The following LRRN3 variants were observed in gnomAD, a reference collection of about 807,000 sequenced individuals.
LRRN3 encodes leucine-rich repeat neuronal protein 3.
Under a neutral mutation model 40.1 loss-of-function variants are expected in LRRN3, and 15 were observed. The ratio of observed to expected loss-of-function variants is 0.37; its 90% CI spans 0.25 to 0.58. LRRN3 has a LOEUF of 0.58. LRRN3 is among the 20% of genes least tolerant of loss of function. The probability of loss-of-function intolerance (pLI) is 0.72; values close to 1 mark genes in which losing one functional copy is unlikely to be tolerated. For missense variants in LRRN3, 746 were observed against 837.7 expected (o/e 0.89, Z 1.35); for synonymous variants, 308 against 297.2 (o/e 1.04, Z -0.37).
intron 2 of LRRN3, among the ~76,000 whole-genome samples, chr7:111,103,726 G>A (rs559997675): frequency 1.3e-5 from 2 of 151,658 alleles, no homozygotes; most frequent in South Asian, 2.1e-4. Flanking sequence ...TGTATGTGTC[G>A]GGTGCAGAAG....
At chr7:111,117,965 C>T (rs969133926) in intron 2 of LRRN3, among the ~76,000 whole-genome samples, 2 of 152,070 alleles carry the variant, frequency 1.3e-5, no homozygotes, top group South Asian at 2.1e-4. Context: ...ATCTAAAAGA[C>T]AGTGGATTTT....
intron 2 of LRRN3, among the ~76,000 whole-genome samples, chr7:111,102,495 T>A (rs1210725751): frequency 6.6e-6 from 1 of 151,598 alleles, no homozygotes; most frequent in African/African-American, 2.4e-5. Context: ...TTGCTGCTGC[T>A]TTACATCAAA....
chr7:111,122,222 T>TA (rs199642974), intron 2 of LRRN3, among the ~76,000 whole-genome samples, 193 bp from the exon 3 acceptor site: 14,779 of 149,996 alleles, frequency 0.099, 1,658 homozygotes, highest in African/African-American at 0.28. Context: ...TAAAGTATAA[T>TA]AAAAAAAAAG....
Position 111,123,836 on chromosome 7 carries a change from A to T in LRRN3, c.1064A>T (p.Glu355Val). Residue 355 changes from glutamate to valine, a missense_variant, in exon 3 of 3, where the codon GAG becomes GTG. Coordinates refer to ENST00000308478, the MANE Select transcript of LRRN3 (RefSeq NM_001099658.2). The surrounding 1 kb of genome is among the most constrained non-coding windows in gnomAD (Gnocchi z 6.4). ...AGTGCCCTGTACCATGGTACCATTGAGTCTCTGCCAAACCTCAAGGAAATC... is the reference window on the plus strand; with the variant it reads ...AGTGCCCTGTACCATGGTACCATTGTGTCTCTGCCAAACCTCAAGGAAATC... ...ALSALYHGTI[E>V]SLPNLKEISI... 1.9e-6 allele frequency: 3 copies of T among 1,613,990 alleles called. No homozygotes were observed. Among genetic ancestry groups the T allele is most frequent in the Non-Finnish European group, 2.5e-6 (3 of 1,179,976 alleles).
At position 111,122,638 on chromosome 7, in the gene LRRN3, A is replaced by T. The variant is rs1389665120; in HGVS notation, c.-135A>T. 1 of 690,518 alleles carries T rather than the reference A, an allele frequency of 1.4e-6. No homozygotes were observed. The highest frequency in any genetic ancestry group is 2.5e-6 in the Non-Finnish European group (1 of 407,464). 42.8% of individuals were successfully genotyped at this position (690,518 alleles called of 1,614,324 possible). ...CACTGGCACTTATTTCAGTGAAGAA[A>T]AACTTTGTGGTTCTATGGCATTCAT... On this transcript the variant is annotated 5_prime_UTR_variant, in exon 3 of 3. The change creates a premature stop within an existing upstream ORF in the 5' untranslated region. Coordinates refer to ENST00000308478, the MANE Select transcript of LRRN3 (RefSeq NM_001099658.2).
At chr7:111,103,464 G>T (rs1798199911) in intron 2 of LRRN3, among the ~76,000 whole-genome samples, 1 of 151,482 alleles carries the variant, frequency 6.6e-6, no homozygotes, top group Non-Finnish European at 1.5e-5. Context: ...TAACTAACAT[G>T]GTAAATAGCG....
chr7:111,119,870 G>A (rs2129587247), intron 2 of LRRN3, among the ~76,000 whole-genome samples: 1 of 152,298 alleles, frequency 6.6e-6, no homozygotes, highest in East Asian at 1.9e-4. Flanking sequence ...GGAGCCATGG[G>A]ACCACTGTGA....
At chr7:111,103,643 A>C (rs1048868968) in intron 2 of LRRN3, among the ~76,000 whole-genome samples, 1 of 151,728 alleles carries the variant, frequency 6.6e-6, no homozygotes, top group African/African-American at 2.4e-5. Flanking sequence ...TTTAAGTTAC[A>C]GCAAATTCTA....
intron 2 of LRRN3, among the ~76,000 whole-genome samples, chr7:111,112,516 C>T (rs1468889351): frequency 6.6e-6 from 1 of 152,156 alleles, no homozygotes; most frequent in African/African-American, 2.4e-5. Context: ...TAAATATGGC[C>T]TCCATGTCTT....
chr7:111,113,672 T>A (rs965643232), intron 2 of LRRN3, among the ~76,000 whole-genome samples: 2 of 152,176 alleles, frequency 1.3e-5, no homozygotes, highest in African/African-American at 2.4e-5. Flanking sequence ...CCCAAATGTT[T>A]TCATCTGAAA....
chr7:111,097,657 A>G (rs1463462192), intron 1 of LRRN3, among the ~76,000 whole-genome samples: 1 of 151,898 alleles, frequency 6.6e-6, no homozygotes, highest in African/African-American at 2.4e-5. Flanking sequence ...ATGTCATTAG[A>G]CTGTTTACTG....
At chr7:111,107,572 C>A (rs944039845) in intron 2 of LRRN3, among the ~76,000 whole-genome samples, 5 of 152,074 alleles carry the variant, frequency 3.3e-5, no homozygotes, top group African/African-American at 7.2e-5. Context: ...GCATGTATAA[C>A]AAGCATTCTG....
chr7:111,098,318 A>C (rs2129579370), intron 1 of LRRN3, among the ~76,000 whole-genome samples: 1 of 151,984 alleles, frequency 6.6e-6, no homozygotes, highest in African/African-American at 2.4e-5. Context: ...ATGTTCAGCT[A>C]ACTTTTTAAA....
Position 111,124,805 on chromosome 7 carries a change from C to T in LRRN3, c.2033C>T (p.Pro678Leu). 1.2e-6 allele frequency: 2 copies of T among 1,612,848 alleles called. No individual in the cohort carries two copies. Among genetic ancestry groups the T allele is most frequent in the Non-Finnish European group, 1.7e-6 (2 of 1,179,476 alleles). Reference protein sequence around the residue: ...KPTFALGELYPPLINLWEAGK... With the variant: ...KPTFALGELYLPLINLWEAGK... ...ACCTTTGCATTAGGTGAGCTTTATC[C>T]TCCTCTGATAAATCTCTGGGAAGCA... is the stretch of plus-strand genomic sequence containing the variant. Residue 678 changes from proline (P) to leucine (L), a missense_variant, in exon 3 of 3, where the codon CCT (proline) becomes CTT (leucine). Transcript: ENST00000308478.
At chr7:111,108,448 A>G (rs1798796381) in intron 2 of LRRN3, among the ~76,000 whole-genome samples, 1 of 152,088 alleles carries the variant, frequency 6.6e-6, no homozygotes, top group South Asian at 2.1e-4. Flanking sequence ...TTATACCCCC[A>G]CTACACTGTG....
At chr7:111,119,961 CTGAGGTTTGAA>C (rs1800387530) in intron 2 of LRRN3, among the ~76,000 whole-genome samples, 1 of 152,118 alleles carries the variant, frequency 6.6e-6, no homozygotes, top group Admixed American at 6.6e-5. Context: ...GATTCTTGAA[CTGAGGTTTGAA>C]AAGACAGTAA....
rs146786593 is a variant in LRRN3, at chr7:111,124,137, C to T, written c.1365C>T (p.Tyr455=). 2.9e-5 allele frequency: 47 copies of T among 1,613,978 alleles called. No individual in the cohort carries two copies. In the African/African-American group the frequency reaches 6.1e-4, roughly 21 times the overall value. ...RATAEPQPEI[Y]WITPSGQKLL... ...CTGCAGAACCACAGCCTGAAATCTA[C>T]TGGATAACACCTTCTGGTCAAAAAC... The change falls in exon 3 of 3, where the codon TAC becomes TAT. Residue 455 remains tyrosine (Y), a synonymous_variant. Transcript: ENST00000308478.
intron 2 of LRRN3, among the ~76,000 whole-genome samples, chr7:111,105,180 T>G (rs1286646753): frequency 6.6e-6 from 1 of 151,874 alleles, no homozygotes; most frequent in African/African-American, 2.4e-5. Context: ...GAAGTGCCCT[T>G]TAAAAATTAA....
In LRRN3 at chr7:111,105,789, AATAG is replaced by A. The variant is rs1263200425; in HGVS notation, c.-359+5833_-359+5836del. 3.3e-5 allele frequency among the ~76,000 whole-genome samples: 5 copies of A among 151,848 alleles called. No individual in the cohort carries two copies. The East Asian group carries it at 5.8e-4, about 18-fold the overall frequency. On this transcript the variant is annotated intron_variant, in intron 2 of 2. Transcript: ENST00000308478. Reference sequence around the variant, plus strand: ...AAAAAATCCATAAAAATATAAAAGAAATAGATAGAGATGCCTATATCTAGTCACA... The same window carrying A: ...AAAAAATCCATAAAAATATAAAAGAAATAGAGATGCCTATATCTAGTCACA...
Sources: gnomAD v4.1 joint callset for allele counts (sites outside exome capture counted in the v4.1 genomes callset) on GRCh38, gnomAD v4.1.1 for gene constraint, Gnocchi (gnomAD v3.1) non-coding constraint, MANE v1.5 for transcripts, NCBI Gene and HGNC (gene_info 2026-07-23, HGNC 2026-07-21) for gene names.